Variants in ITPK1 observed in about 807,000 individuals in gnomAD.
The protein encoded by ITPK1 is inositol 1,3,4-trisphosphate 5/6-kinase.
A neutral mutation model predicts 45.3 loss-of-function variants in ITPK1; 21 were observed. The ratio of observed to expected loss-of-function variants is 0.46; its 90% CI spans 0.33 to 0.67. The LOEUF (loss-of-function observed/expected upper bound fraction) is 0.67, where lower values mean the gene tolerates loss of function less well. ITPK1 is among the 30% of genes least tolerant of loss of function. The probability of loss-of-function intolerance (pLI) is 0.02; values close to 1 mark genes in which losing one functional copy is unlikely to be tolerated. For synonymous variants in ITPK1, 258 were observed against 253.6 expected, an observed-to-expected ratio of 1.02 and a Z score of -0.16; for missense variants, 474 against 573.5, an observed-to-expected ratio of 0.83 and a Z score of 1.77.
At chr14:93,001,417 G>A (rs1396181700) in intron 4 of ITPK1, among the ~76,000 whole-genome samples, 1 of 152,180 alleles carries the variant, frequency 6.6e-6, no homozygotes, top group Non-Finnish European at 1.5e-5. Context: ...TCAAGCATCA[G>A]AGGGGGCACA....
At chr14:92,943,306 G>A (rs907184536) in intron 10 of ITPK1, among the ~76,000 whole-genome samples, 11 of 152,300 alleles carry the variant, frequency 7.2e-5, no homozygotes, top group South Asian at 2.1e-4. Flanking sequence ...TGAGCGCCAC[G>A]GTCCTCAGCC....
intron 3 of ITPK1, among the ~76,000 whole-genome samples, chr14:93,039,396 A>G (rs1167564285): frequency 3.3e-5 from 5 of 152,140 alleles, no homozygotes; most frequent in Non-Finnish European, 7.4e-5. Context: ...TAATCTCAGC[A>G]CTTTGGGAGG....
At chr14:92,997,175 C>A (rs1250310393) in intron 4 of ITPK1, among the ~76,000 whole-genome samples, 3 of 152,220 alleles carry the variant, frequency 2.0e-5, no homozygotes, top group Non-Finnish European at 4.4e-5. Flanking sequence ...AATTCTCCCT[C>A]AGCAACCGAG....
rs561309532 is a variant in ITPK1, at chr14:92,958,442, G to A, written c.505-76C>T. On this transcript the variant is annotated intron_variant, in intron 7 of 10. Coordinates refer to ENST00000267615, the MANE Select transcript of ITPK1 (RefSeq NM_014216.6). The surrounding 1 kb of genome is among the most constrained non-coding windows in gnomAD (Gnocchi z 4.4). ...CCTCCAACACACAGGTGTGTCACCT[G>A]TCCAGAGCACCTCCACCAAGGCCCA... The A allele has an allele frequency of 7.0e-7, 1 of 1,436,154 alleles. No homozygotes were observed. Among genetic ancestry groups the A allele is most frequent in the South Asian group, 1.2e-5 (1 of 82,028 alleles). 89.0% of individuals were successfully genotyped at this position (1,436,154 alleles called of 1,614,324 possible).
At chr14:92,997,156 G>A (rs1271629700) in intron 4 of ITPK1, among the ~76,000 whole-genome samples, 1 of 152,192 alleles carries the variant, frequency 6.6e-6, no homozygotes, top group Non-Finnish European at 1.5e-5. Flanking sequence ...CACGTGGATG[G>A]GATGACCCAA....
rs2281514 is a variant in ITPK1, at chr14:92,937,415, C to T, written c.*4146G>A. 72,119 of 151,892 alleles carry T rather than the reference C, an allele frequency of 0.47. 17,566 individuals are homozygous for T. Among genetic ancestry groups the T allele is most frequent in the East Asian group, 0.72 (3,734 of 5,160 alleles). The allele number at this position is 151,892 out of a possible 1,614,324, so 9.4% of individuals were successfully genotyped here. A position where few individuals can be genotyped will look rare whatever the true frequency, so the allele number is the denominator to read the frequency against. On this transcript the variant is annotated 3_prime_UTR_variant, in exon 11 of 11. Transcript: ENST00000267615. ...TGGAGGAAGGGGGTCGGCCAGGCTG[C>T]AGGAGGGGACAGTCCCTCCACACCA...
chr14:93,016,299 C>G lies in ITPK1; in HGVS notation c.246+377G>C, dbSNP rs755671771. Among the ~76,000 whole-genome samples the G allele has an allele frequency of 6.6e-6, 1 of 152,166 alleles. No homozygotes were observed. Among genetic ancestry groups the G allele is most frequent in the Non-Finnish European group, 1.5e-5 (1 of 68,022 alleles). On this transcript the variant is annotated intron_variant, in intron 4 of 10. Transcript: ENST00000267615. This position sits in a 1 kb window ranked among gnomAD's most constrained non-coding sequence, Gnocchi z 5.0. ...TCAGTTCAAAGGCCCTCGGGGGTCC[C>G]CTTTACCAAGTGCAGCAGAAGGGTT... is the stretch of plus-strand genomic sequence containing the variant.
chr14:93,093,516 T>C (rs1891947208), intron 2 of ITPK1, among the ~76,000 whole-genome samples: 1 of 152,126 alleles, frequency 6.6e-6, no homozygotes, highest in Non-Finnish European at 1.5e-5. Context: ...CCCTCAGCCC[T>C]GCGCTGAGGT....
chr14:93,043,381 G>A (rs1270058607), intron 3 of ITPK1, among the ~76,000 whole-genome samples: 1 of 152,238 alleles, frequency 6.6e-6, no homozygotes, highest in East Asian at 1.9e-4. Flanking sequence ...AGACAGCACA[G>A]TAGAGACTGC....
rs765252176 is a variant in ITPK1, at chr14:92,946,433, G to A, written c.799C>T (p.Arg267Trp). The change falls in exon 10 of 11, where the codon CGG (arginine) becomes TGG (tryptophan). Residue 267 changes from arginine (R) to tryptophan (W), a missense_variant. Transcript: ENST00000267615. ...ACGCCCAGTGCCTGCCGCAGGGCCCGGGAGAGCTCCCGGATGACCTCGTCG... is the reference window on the plus strand; with the variant it reads ...ACGCCCAGTGCCTGCCGCAGGGCCCAGGAGAGCTCCCGGATGACCTCGTCG... Reference protein sequence around the residue: ...PSDEVIRELSRALRQALGVSL... With the variant: ...PSDEVIRELSWALRQALGVSL... The A allele has an allele frequency of 3.2e-5, 52 of 1,613,100 alleles. No homozygotes were observed. The highest frequency in any genetic ancestry group is 4.5e-5 in the East Asian group (2 of 44,902).
chr14:93,085,596 TGAG>T (rs1566777744), intron 2 of ITPK1, among the ~76,000 whole-genome samples: 1 of 152,082 alleles, frequency 6.6e-6, no homozygotes, highest in Non-Finnish European at 1.5e-5. Flanking sequence ...GCACAGGAAC[TGAG>T]GTGCCTTTGA....
chr14:93,076,502 G>A lies in ITPK1; in HGVS notation c.120+93C>T, dbSNP rs768211036. The A allele has an allele frequency of 5.2e-5, 72 of 1,389,934 alleles. No individual in the cohort carries two copies. Among genetic ancestry groups the A allele is most frequent in the Admixed American group, 3.6e-4 (20 of 56,148 alleles). 86.1% of individuals were successfully genotyped at this position (1,389,934 alleles called of 1,614,324 possible). On this transcript the variant is annotated intron_variant, in intron 3 of 10. Transcript: ENST00000267615. This position sits in a 1 kb window ranked among gnomAD's most constrained non-coding sequence, Gnocchi z 4.3. ...CTGCACGTGAAGAAGAGAGAAAGCC[G>A]TGCCCAATGCTGGAGGAGAGAAGGA...
intron 4 of ITPK1, among the ~76,000 whole-genome samples, chr14:93,009,772 G>A (rs1250175458): frequency 1.3e-5 from 2 of 152,160 alleles, no homozygotes; most frequent in Non-Finnish European, 2.9e-5. Context: ...CAGTCTCATC[G>A]TCACACGGCA....
At chr14:93,107,461 G>T (rs915883354) in intron 2 of ITPK1, among the ~76,000 whole-genome samples, 3 of 152,104 alleles carry the variant, frequency 2.0e-5, no homozygotes, top group Admixed American at 2.0e-4. Flanking sequence ...AGATTCTGAC[G>T]GCGAGAGAGG....
chr14:93,103,821 G>C (rs1193956047), intron 2 of ITPK1, among the ~76,000 whole-genome samples: 1 of 152,144 alleles, frequency 6.6e-6, no homozygotes, highest in Non-Finnish European at 1.5e-5. Flanking sequence ...ATGGAAACAG[G>C]GTGTGAGGCA....
At position 92,993,359 on chromosome 14, in the gene ITPK1, G is replaced by A. The variant is rs145148327; in HGVS notation, c.364+521C>T. ...CTGCCTGCCCAAGGGGTGGGGAGGC[G>A]TCAGGGTGAGCCCTCAGGGACAGGA... is the stretch of plus-strand genomic sequence containing the variant. On this transcript the variant is annotated intron_variant, in intron 5 of 10. Coordinates refer to ENST00000267615, the MANE Select transcript of ITPK1 (RefSeq NM_014216.6). Among the ~76,000 whole-genome samples the A allele has an allele frequency of 7.3e-3, 1,109 of 152,298 alleles. 9 individuals carry two copies. The highest frequency in any genetic ancestry group is 0.012 in the South Asian group (59 of 4,824).
At chr14:93,010,853 G>A (rs1418847487) in intron 4 of ITPK1, among the ~76,000 whole-genome samples, 3 of 151,588 alleles carry the variant, frequency 2.0e-5, no homozygotes, top group African/African-American at 7.3e-5. Flanking sequence ...TTACACACAC[G>A]TGCACCACTC....
intron 4 of ITPK1, among the ~76,000 whole-genome samples, chr14:93,010,284 T>C (rs1013946073): frequency 6.6e-6 from 1 of 152,228 alleles, no homozygotes; most frequent in Non-Finnish European, 1.5e-5. Context: ...ACAAAAACCT[T>C]TGTTTCTTCT....
chr14:92,942,715 AAC>A (rs34367293), intron 10 of ITPK1, among the ~76,000 whole-genome samples: 15,067 of 152,222 alleles, frequency 0.099, 959 homozygotes, highest in East Asian at 0.23. Context: ...AGTGCTTCCT[AAC>A]ACAGTTGCGA....
Sources: gnomAD v4.1 joint callset for allele counts (sites outside exome capture counted in the v4.1 genomes callset) on GRCh38, gnomAD v4.1.1 for gene constraint, Gnocchi (gnomAD v3.1) non-coding constraint, MANE v1.5 for transcripts, NCBI Gene and HGNC (gene_info 2026-07-23, HGNC 2026-07-21) for gene names.